The following MYO1B variants were observed in gnomAD, a reference collection of about 807,000 sequenced individuals.
MYO1B encodes the protein myosin IB.
In MYO1B, 72 loss-of-function variants were observed where a neutral mutation model predicts 159.7. The observed-to-expected ratio is 0.45, with a 90% CI of 0.37 to 0.55. The LOEUF (loss-of-function observed/expected upper bound fraction) is 0.55, where lower values mean the gene tolerates loss of function less well. Among genes scored for constraint, MYO1B ranks in the 20% least tolerant of loss-of-function variants. MYO1B has a pLI of 0.00. For synonymous variants in MYO1B, 468 were observed against 473.8 expected (o/e 0.99, Z 0.16); for missense variants, 1,062 against 1,364.8 (o/e 0.78, Z 3.50).
chr2:191,299,808 T>C (rs1306818008), intron 3 of MYO1B, among the ~76,000 whole-genome samples: 2 of 152,246 alleles, frequency 1.3e-5, no homozygotes, highest in Admixed American at 6.5e-5. Flanking sequence ...AAAGAATTAT[T>C]AATTAACTCC....
chr2:191,336,559 A>C (rs148744658), intron 4 of MYO1B, among the ~76,000 whole-genome samples: 199 of 152,352 alleles, frequency 1.3e-3, no homozygotes, highest in African/African-American at 4.6e-3. Flanking sequence ...CAATAAAAAC[A>C]TCACCAGTTG....
chr2:191,245,447 G>A lies in MYO1B; in HGVS notation c.-189G>A, dbSNP rs1004862892. On this transcript the variant is annotated 5_prime_UTR_variant, in exon 1 of 31. Transcript: ENST00000392318. The stretch of plus-strand genomic sequence containing the variant: ...TGCGCACGGGAGCCTCAACCGCGGC[G>A]CGTGGAGGCAGTACCAGAGCGCGCG... 1 of 152,040 alleles carries A rather than the reference G, an allele frequency of 6.6e-6. No homozygotes were observed. Among genetic ancestry groups the A allele is most frequent in the African/African-American group, 2.4e-5 (1 of 41,428 alleles). The allele number at this position is 152,040 out of a possible 1,614,324, so 9.4% of individuals were successfully genotyped here.
intron 3 of MYO1B, among the ~76,000 whole-genome samples, chr2:191,306,658 G>C (rs1689667777): frequency 6.6e-6 from 1 of 152,046 alleles, no homozygotes; most frequent in African/African-American, 2.4e-5. Context: ...GGATGCAGTG[G>C]CTGAACAGAA....
At chr2:191,268,064 A>G (rs1425608773) in intron 1 of MYO1B, among the ~76,000 whole-genome samples, 1 of 152,220 alleles carries the variant, frequency 6.6e-6, no homozygotes, top group African/African-American at 2.4e-5. Context: ...TCCCTTCTCC[A>G]GGGGAAGAGC....
chr2:191,265,750 C>T (rs552000509), intron 1 of MYO1B, among the ~76,000 whole-genome samples: 18 of 152,280 alleles, frequency 1.2e-4, no homozygotes, highest in African/African-American at 4.1e-4. Flanking sequence ...TAGCATGTTC[C>T]CCTGTACAGC....
At chr2:191,308,056 G>C (rs757209755) in intron 3 of MYO1B, among the ~76,000 whole-genome samples, 11 of 152,108 alleles carry the variant, frequency 7.2e-5, no homozygotes, top group Non-Finnish European at 1.6e-4. Flanking sequence ...AGGTGGGGTT[G>C]AAAGATTCCC....
At chr2:191,370,995 T>C (rs1694327818) in intron 13 of MYO1B, 1 of 152,222 alleles carries the variant, frequency 6.6e-6, no homozygotes, top group Non-Finnish European at 1.5e-5. Flanking sequence ...AAGATGAGCA[T>C]GGCCCCTGAA....
At chr2:191,289,668 A>T (rs1431701812) in intron 2 of MYO1B, among the ~76,000 whole-genome samples, 1 of 152,186 alleles carries the variant, frequency 6.6e-6, no homozygotes, top group Non-Finnish European at 1.5e-5. Flanking sequence ...AGAATTCGAT[A>T]TTTCAAAAAA....
intron 3 of MYO1B, among the ~76,000 whole-genome samples, chr2:191,304,150 T>C (rs1221117520): frequency 6.6e-6 from 1 of 152,248 alleles, no homozygotes; most frequent in Non-Finnish European, 1.5e-5. Context: ...AGGCTGGGTC[T>C]GCAGTGGGAA....
intron 13 of MYO1B, among the ~76,000 whole-genome samples, chr2:191,378,480 G>A (rs553648883): frequency 6.6e-6 from 1 of 152,170 alleles, no homozygotes; most frequent in South Asian, 2.1e-4. Context: ...TCTTAAGGGT[G>A]GGGGAGATAA....
At chr2:191,381,659 T>A in intron 14 of MYO1B, 93 bp downstream of exon 14, 3 of 871,718 alleles carry the variant, frequency 3.4e-6, no homozygotes, top group Non-Finnish European at 5.4e-6. Flanking sequence ...AGAAGCCATA[T>A]TCAAAAGGCT....
At chr2:191,379,950 G>A (rs1449951833) in intron 13 of MYO1B, among the ~76,000 whole-genome samples, 1 of 152,194 alleles carries the variant, frequency 6.6e-6, no homozygotes, top group African/African-American at 2.4e-5. Flanking sequence ...GGACTGAGGA[G>A]TGCCCTTTGT....
Position 191,400,816 on chromosome 2 carries a change from C to A in MYO1B, c.2450C>A (p.Ala817Asp). The A allele has an allele frequency of 1.2e-6, 2 of 1,613,940 alleles. No homozygotes were observed. The highest frequency in any genetic ancestry group is 1.7e-6 in the Non-Finnish European group (2 of 1,179,862). ...RNKHAIAVIWAYWLGSKARRE... is the reference protein window; with the variant it reads ...RNKHAIAVIWDYWLGSKARRE... ...AAACATGCTATTGCAGTTATTTGGG[C>A]TTACTGGCTTGGATCTAAGGTACTT... Residue 817 changes from alanine to aspartate, a missense_variant, in exon 23 of 31, where the codon GCT (alanine) becomes GAT (aspartate). Transcript: ENST00000392318.
At chr2:191,319,931 C>G (rs972263594) in intron 3 of MYO1B, among the ~76,000 whole-genome samples, 7 of 152,026 alleles carry the variant, frequency 4.6e-5, no homozygotes, top group African/African-American at 1.7e-4. Flanking sequence ...AGCATTGTAT[C>G]AAGATGGCTT....
At chr2:191,248,551 C>T (rs1043457804) in intron 1 of MYO1B, among the ~76,000 whole-genome samples, 1 of 152,166 alleles carries the variant, frequency 6.6e-6, no homozygotes, top group African/African-American at 2.4e-5. Flanking sequence ...CGGCTCGCTG[C>T]CACTGCCCAG....
chr2:191,349,123 C>A (rs567419077), intron 6 of MYO1B, among the ~76,000 whole-genome samples: 1 of 152,182 alleles, frequency 6.6e-6, no homozygotes, highest in Non-Finnish European at 1.5e-5. Flanking sequence ...TGTCTCAATT[C>A]CCCCGCTAGA....
At position 191,350,671 on chromosome 2, in the gene MYO1B, T is replaced by C. The variant is rs544873755; in HGVS notation, c.562+446T>C. On this transcript the variant is annotated intron_variant, in intron 7 of 30. Coordinates refer to ENST00000392318, the MANE Select transcript of MYO1B (RefSeq NM_001130158.3). ...GGAGTAGACCTGTACTTCAGTCTTA[T>C]TTTGAGAAATGTTGCTTCTCTTCCA... Among the ~76,000 whole-genome samples the C allele has an allele frequency of 2.6e-5, 4 of 152,246 alleles. No individual in the cohort carries two copies. In the South Asian group the frequency reaches 6.2e-4, roughly 24 times the overall value.
At chr2:191,364,395 A>C in intron 11 of MYO1B, 119 bp downstream of exon 11, 1 of 774,360 alleles carries the variant, frequency 1.3e-6, no homozygotes, top group Non-Finnish European at 2.2e-6. Flanking sequence ...TGTTCTAGGC[A>C]TTGGGAACAG....
intron 1 of MYO1B, among the ~76,000 whole-genome samples, chr2:191,271,136 C>T (rs1440837201): frequency 3.3e-5 from 5 of 152,186 alleles, no homozygotes; most frequent in African/African-American, 1.2e-4. Context: ...AAGGTGCTGT[C>T]ATGCATACAT....
Sources: allele counts gnomAD v4.1 joint callset (sites outside exome capture counted in the v4.1 genomes callset), GRCh38; gene constraint gnomAD v4.1.1; transcripts MANE v1.5; gene names NCBI Gene and HGNC (gene_info 2026-07-23, HGNC 2026-07-21).